Variants in DOCK5 observed in about 807,000 individuals in gnomAD.
DOCK5 encodes dedicator of cytokinesis 5, also known as dedicator of cytokinesis protein 5.
A neutral mutation model predicts 251.8 loss-of-function variants in DOCK5; 142 were observed. That is an observed-to-expected ratio of 0.56 (90% CI 0.49 to 0.65). The LOEUF is 0.65. Among genes scored for constraint, DOCK5 ranks in the 30% least tolerant of loss-of-function variants. DOCK5 has a pLI of 0.00. For missense variants in DOCK5, 2,111 were observed against 2,312.3 expected (o/e 0.91, Z 1.79); for synonymous variants, 842 against 835.5 (o/e 1.01, Z -0.13).
chr8:25,345,254 A>AT (rs35685614), intron 25 of DOCK5: 8,137 of 330,802 alleles, frequency 0.025, 1 homozygote, highest in Middle Eastern at 0.039. Context: ...GAGAAGGGTC[A>AT]TTTTTTTTTT....
At position 25,202,117 on chromosome 8, in the gene DOCK5, C is replaced by T. The variant is rs146449863; in HGVS notation, c.43+17166C>T. Among the ~76,000 whole-genome samples, 1,056 of 152,152 alleles carry T rather than the reference C, an allele frequency of 6.9e-3. 16 individuals carry two copies. The highest frequency in any genetic ancestry group is 0.024 in the African/African-American group (986 of 41,494). On this transcript the variant is annotated intron_variant, in intron 1 of 51. Coordinates refer to ENST00000276440, the MANE Select transcript of DOCK5 (RefSeq NM_024940.8). ...CTGCAATCTCTGCCTCCCGGGTTCA[C>T]GCGATTCTCCTGCCTCAGCCTCCCC...
chr8:25,198,184 C>T (rs544954419), intron 1 of DOCK5, among the ~76,000 whole-genome samples: 1 of 152,184 alleles, frequency 6.6e-6, no homozygotes, highest in African/African-American at 2.4e-5. Flanking sequence ...TGTATACCTG[C>T]AACAAGTTGC....
In DOCK5 at chr8:25,327,470, C is replaced by T. The variant is rs537509037; in HGVS notation, c.1903+1923C>T. Among the ~76,000 whole-genome samples, 4 of 152,004 alleles carry T rather than the reference C, an allele frequency of 2.6e-5. No individual in the cohort carries two copies. In the South Asian group the frequency reaches 6.2e-4, roughly 24 times the overall value. On this transcript the variant is annotated intron_variant, in intron 18 of 51. Transcript: ENST00000276440. ...ACAGATTAAAGAAGAATAAAGAAAA[C>T]AAGAATAAAAGTTTGTGAAATTAAC...
At chr8:25,188,225 T>C (rs1801481712) in intron 1 of DOCK5, among the ~76,000 whole-genome samples, 1 of 152,238 alleles carries the variant, frequency 6.6e-6, no homozygotes, top group Non-Finnish European at 1.5e-5. Context: ...CCACTCTGTC[T>C]TTATCTCTGC....
chr8:25,323,947 A>G lies in DOCK5; in HGVS notation c.1715A>G (p.Tyr572Cys), dbSNP rs916537402. 6.2e-7 allele frequency: 1 copy of G among 1,609,986 alleles called. No homozygotes were observed. The highest frequency in any genetic ancestry group is 8.5e-7 in the Non-Finnish European group (1 of 1,178,112). Residue 572 changes from tyrosine to cysteine, a missense_variant, in exon 17 of 52, where the codon TAT becomes TGT. Coordinates refer to ENST00000276440, the MANE Select transcript of DOCK5 (RefSeq NM_024940.8). ...GATGGGAGGCACGATCTGGTGGTTT[A>G]TAAGGTGGTGCTAACAGAAAATGGC... is the stretch of plus-strand genomic sequence containing the variant. Reference protein sequence around the residue: ...LQDGRHDLVVYKGDNKKMEDA... With the variant: ...LQDGRHDLVVCKGDNKKMEDA...
At chr8:25,260,077 C>T (rs930090609) in intron 2 of DOCK5, among the ~76,000 whole-genome samples, 6 of 150,974 alleles carry the variant, frequency 4.0e-5, no homozygotes, top group Admixed American at 1.4e-4. Context: ...GGATTTTAGA[C>T]CCAGCCCTTT....
chr8:25,308,786 T>TG lies in DOCK5; in HGVS notation c.1054dup (p.Ala352GlyfsTer26). On this transcript the variant is annotated frameshift_variant, in exon 12 of 52. Transcript: ENST00000276440. LOFTEE classifies it high-confidence loss of function. Reference sequence around the variant, plus strand: ...CCTCTTATTTCTCTTTCCCAAGAATTGCGATGGAAACCTACATCCGCCAGA... The same window carrying TG: ...CCTCTTATTTCTCTTTCCCAAGAATTGGCGATGGAAACCTACATCCGCCAGA... The TG allele has an allele frequency of 6.2e-7, 1 of 1,613,776 alleles. No homozygotes were observed. The highest frequency in any genetic ancestry group is 8.5e-7 in the Non-Finnish European group (1 of 1,179,708).
chr8:25,311,543 CA>C (rs775794833), intron 13 of DOCK5, among the ~76,000 whole-genome samples: 266 of 98,292 alleles, frequency 2.7e-3, no homozygotes, highest in Admixed American at 3.0e-3. Flanking sequence ...AACTCTGTCT[CA>C]AAAAAAAAAA....
Position 25,345,476 on chromosome 8 carries a change from G to A in DOCK5, c.2619G>A (p.Glu873=). 6.2e-7 allele frequency: 1 copy of A among 1,613,602 alleles called. No homozygotes were observed. The highest frequency in any genetic ancestry group is 8.5e-7 in the Non-Finnish European group (1 of 1,179,822). ...AGCTGTCTGTGTTTTCCTTCTCAGAGTGCAGAGAAGTGCTGCTGCCACTGC... is the reference window on the plus strand; with the variant it reads ...AGCTGTCTGTGTTTTCCTTCTCAGAATGCAGAGAAGTGCTGCTGCCACTGC... ...IVESTLFRQS[E]CREVLLPLLT... is the part of the protein sequence containing the mutation. Residue 873 remains glutamate (E), a splice_region_variant and synonymous_variant, in exon 26 of 52, where the codon GAG becomes GAA. Coordinates refer to ENST00000276440, the MANE Select transcript of DOCK5 (RefSeq NM_024940.8).
chr8:25,369,821 G>C (rs1358686294), intron 34 of DOCK5, among the ~76,000 whole-genome samples, 180 bp downstream of exon 34: 1 of 152,164 alleles, frequency 6.6e-6, no homozygotes, highest in African/African-American at 2.4e-5. Flanking sequence ...TGTTTATCTC[G>C]TGGGAGTCAA....
intron 2 of DOCK5, among the ~76,000 whole-genome samples, chr8:25,259,272 G>T (rs1586272864): frequency 6.6e-6 from 1 of 152,170 alleles, no homozygotes. Flanking sequence ...GGCGCATTGA[G>T]AAAGTGTCCT....
intron 45 of DOCK5, among the ~76,000 whole-genome samples, chr8:25,396,011 G>A (rs551141358): frequency 7.8e-4 from 119 of 152,238 alleles, no homozygotes; most frequent in African/African-American, 2.6e-3. Flanking sequence ...AAACTGATTG[G>A]TGGACCCCAG....
chr8:25,378,771 C>T (rs1219885476), intron 38 of DOCK5, among the ~76,000 whole-genome samples: 1 of 152,234 alleles, frequency 6.6e-6, no homozygotes. Context: ...CATTGAAATA[C>T]AGTTTGCCAA....
rs939553410 is a variant in DOCK5, at chr8:25,376,422, G to A, written c.3817-883G>A. 1.5e-5 allele frequency: 14 copies of A among 963,142 alleles called. No homozygotes were observed. In the African/African-American group the frequency reaches 2.3e-4, roughly 16 times the overall value. The allele number at this position is 963,142 out of a possible 1,614,324, so 59.7% of individuals were successfully genotyped here. On this transcript the variant is annotated intron_variant, in intron 37 of 51. Coordinates refer to ENST00000276440, the MANE Select transcript of DOCK5 (RefSeq NM_024940.8). ...GGGGGAGGGAATCTCTTTCTAGATTGTATATGCTTTTACGTGGGTCTCTGT... is the reference window on the plus strand; with the variant it reads ...GGGGGAGGGAATCTCTTTCTAGATTATATATGCTTTTACGTGGGTCTCTGT...
At chr8:25,405,511 T>C (rs974035474) in intron 48 of DOCK5, among the ~76,000 whole-genome samples, 2 of 152,148 alleles carry the variant, frequency 1.3e-5, no homozygotes, top group Non-Finnish European at 2.9e-5. Context: ...TTCTATTTCT[T>C]AGATTTACCT....
At chr8:25,390,909 A>G (rs1444419546) in intron 42 of DOCK5, among the ~76,000 whole-genome samples, 3 of 152,012 alleles carry the variant, frequency 2.0e-5, no homozygotes, top group African/African-American at 7.2e-5. Context: ...CCCAAGTTCA[A>G]GCAATTCTCC....
At chr8:25,363,260 T>C (rs145253536) in intron 29 of DOCK5, 119 bp downstream of exon 29, 80 of 802,312 alleles carry the variant, frequency 1.0e-4, no homozygotes, top group African/African-American at 8.4e-4. Context: ...AAAGTGAGGA[T>C]CTTCCTGCTC....
At chr8:25,243,907 T>C in intron 2 of DOCK5, 150 bp downstream of exon 2, 1 of 742,050 alleles carries the variant, frequency 1.3e-6, no homozygotes, top group Non-Finnish European at 2.2e-6. Context: ...GACACAATTT[T>C]GAACAGAGTG....
Position 25,393,086 on chromosome 8 carries a change from A to C in DOCK5, c.4527+204A>C, listed in dbSNP as rs887840920. Among the ~76,000 whole-genome samples the C allele has an allele frequency of 1.3e-5, 2 of 152,216 alleles. 1 individual carries two copies. The highest frequency in any genetic ancestry group is 2.9e-5 in the Non-Finnish European group (2 of 68,038). ...TGTGACAACACCAGCCCTAAAGGTC[A>C]ATCACAGTGAATGACTCTTTTATGT... On this transcript the variant is annotated intron_variant, in intron 44 of 51. Coordinates refer to ENST00000276440, the MANE Select transcript of DOCK5 (RefSeq NM_024940.8).
Sources: allele counts gnomAD v4.1 joint callset (sites outside exome capture counted in the v4.1 genomes callset), GRCh38; gene constraint gnomAD v4.1.1; transcripts MANE v1.5; gene names NCBI Gene and HGNC (gene_info 2026-07-23, HGNC 2026-07-21).